NRXN1: variants seen among roughly 807,000 people sequenced by gnomAD.
The protein encoded by NRXN1 is neurexin 1, also known as neurexin-1.
NRXN1 carries 39 observed loss-of-function variants against 150.9 expected under a neutral mutation model. The ratio of observed to expected loss-of-function variants is 0.26; its 90% CI spans 0.20 to 0.34. NRXN1 has a LOEUF of 0.34. Among genes scored for constraint, NRXN1 ranks in the 10% least tolerant of loss-of-function variants. The probability of loss-of-function intolerance (pLI) is 1.00; values close to 1 mark genes in which losing one functional copy is unlikely to be tolerated. For missense variants in NRXN1, 1,815 were observed against 1,949.9 expected (o/e 0.93, Z 1.30); for synonymous variants, 924 against 757.0 (o/e 1.22, Z -3.62).
intron 19 of NRXN1, among the ~76,000 whole-genome samples, chr2:50,089,511 G>A (rs1699258413): frequency 6.6e-6 from 1 of 152,120 alleles, no homozygotes; most frequent in Non-Finnish European, 1.5e-5. Context: ...TTTAGGCTGG[G>A]CATGGTGGCT....
At chr2:50,489,701 A>G (rs560454555) in intron 15 of NRXN1, among the ~76,000 whole-genome samples, 2 of 152,256 alleles carry the variant, frequency 1.3e-5, no homozygotes, top group Admixed American at 1.3e-4. Context: ...AAATATAGAC[A>G]ACCCATGGTT....
At chr2:50,815,925 G>A (rs897424209) in intron 5 of NRXN1, among the ~76,000 whole-genome samples, 2 of 152,120 alleles carry the variant, frequency 1.3e-5, no homozygotes, top group Admixed American at 1.3e-4. Context: ...GAGAACCCAT[G>A]TAAATAAATT....
At chr2:50,525,048 C>G (rs2105159086) in intron 12 of NRXN1, among the ~76,000 whole-genome samples, 1 of 152,262 alleles carries the variant, frequency 6.6e-6, no homozygotes, top group South Asian at 2.1e-4. Flanking sequence ...AACCTACTAA[C>G]AATGCACTTG....
chr2:50,552,795 G>A lies in NRXN1; in HGVS notation c.1551C>T (p.Ile517=). The A allele has an allele frequency of 6.2e-7, 1 of 1,613,970 alleles. No individual in the cohort carries two copies. Among genetic ancestry groups the A allele is most frequent in the Non-Finnish European group, 8.5e-7 (1 of 1,179,862 alleles). Residue 517 remains isoleucine (I), a synonymous_variant, in exon 9 of 23, where the codon ATC becomes ATT. Coordinates refer to ENST00000401669, the MANE Select transcript of NRXN1 (RefSeq NM_001330078.2). The stretch of plus-strand genomic sequence containing the variant: ...GTCTTGGCTTGCCATGGCTAAATAA[G>A]ATGAGGCCATTTGGCTCTGTTGTAC... The part of the protein sequence containing the change: ...DFRTTEPNGL[I]LFSHGKPRHQ...
intron 5 of NRXN1, chr2:50,631,173 A>C (rs1361577776): frequency 2.4e-6 from 1 of 422,230 alleles, no homozygotes; most frequent in African/African-American, 2.2e-5. Flanking sequence ...TAAAATTACC[A>C]ACTATTTTTC....
intron 5 of NRXN1, among the ~76,000 whole-genome samples, chr2:50,671,532 C>T (rs1243744186): frequency 6.6e-6 from 1 of 151,288 alleles, no homozygotes; most frequent in Non-Finnish European, 1.5e-5. Context: ...AATATTCATC[C>T]AGTCAGATAA....
At chr2:50,910,226 AAGTT>A (rs977656451) in intron 5 of NRXN1, among the ~76,000 whole-genome samples, 20 of 152,104 alleles carry the variant, frequency 1.3e-4, no homozygotes, top group African/African-American at 4.6e-4. Flanking sequence ...GTGATTTAAA[AAGTT>A]AGTTGTTTCC....
intron 5 of NRXN1, among the ~76,000 whole-genome samples, chr2:50,651,441 C>T (rs992042854): frequency 6.6e-6 from 1 of 151,640 alleles, no homozygotes; most frequent in African/African-American, 2.4e-5. Flanking sequence ...AGTGAGACCT[C>T]ATCTCTACCA....
chr2:50,541,243 C>A (rs2093382437), intron 9 of NRXN1, among the ~76,000 whole-genome samples: 1 of 152,016 alleles, frequency 6.6e-6, no homozygotes, highest in Admixed American at 6.6e-5. Flanking sequence ...GGGAAAAAAG[C>A]CCTGGGAAAG....
chr2:50,603,852 G>C (rs1416778830), intron 8 of NRXN1, among the ~76,000 whole-genome samples: 1 of 152,124 alleles, frequency 6.6e-6, no homozygotes, highest in African/African-American at 2.4e-5. Context: ...CTTGATCACT[G>C]GGTAGTCTAA....
chr2:50,550,415 C>A (rs1667269672), intron 9 of NRXN1, among the ~76,000 whole-genome samples: 1 of 152,008 alleles, frequency 6.6e-6, no homozygotes, highest in Non-Finnish European at 1.5e-5. Context: ...CTTAAAATAT[C>A]TCTTCTTGAA....
chr2:49,964,653 A>G (rs1676625690), intron 21 of NRXN1, among the ~76,000 whole-genome samples: 1 of 152,022 alleles, frequency 6.6e-6, no homozygotes, highest in South Asian at 2.1e-4. Context: ...CAGCCTGGCC[A>G]ACATGGTGAA....
chr2:50,058,839 C>A (rs989491748), intron 19 of NRXN1, among the ~76,000 whole-genome samples: 10 of 152,190 alleles, frequency 6.6e-5, no homozygotes, highest in Non-Finnish European at 1.5e-4. Context: ...CCAAGTAAGA[C>A]ATGACTTTGC....
At chr2:50,222,676 T>A (rs149926016) in intron 18 of NRXN1, among the ~76,000 whole-genome samples, 26 of 152,050 alleles carry the variant, frequency 1.7e-4, no homozygotes, top group South Asian at 4.1e-4. Context: ...CAGATGCATG[T>A]TATGAGGTAA....
At chr2:50,339,007 A>G (rs1336825572) in intron 17 of NRXN1, among the ~76,000 whole-genome samples, 3 of 152,208 alleles carry the variant, frequency 2.0e-5, no homozygotes, top group South Asian at 4.1e-4. Flanking sequence ...CTAGAAAAAT[A>G]TGCCATGATG....
chr2:50,657,480 G>A (rs1264062098), intron 5 of NRXN1, among the ~76,000 whole-genome samples: 1 of 151,952 alleles, frequency 6.6e-6, no homozygotes, highest in Non-Finnish European at 1.5e-5. Context: ...AGTGACAGAG[G>A]ACAGGGATCT....
At chr2:50,985,118 C>G (rs1383366088) in intron 2 of NRXN1, among the ~76,000 whole-genome samples, 1 of 151,310 alleles carries the variant, frequency 6.6e-6, no homozygotes, top group Admixed American at 6.6e-5. Context: ...ATAAAACATA[C>G]AGGAAAAAAA....
chr2:50,219,965 A>ATATATATAATATATATATTATATAT (rs2063728578), intron 18 of NRXN1, among the ~76,000 whole-genome samples: 19 of 56,748 alleles, frequency 3.3e-4, no homozygotes, highest in African/African-American at 1.9e-3. Context: ...TATATATATT[A>ATATATATAATATATATATTATATAT]TATATATATA....
chr2:50,399,275 C>T (rs571724507), intron 17 of NRXN1, among the ~76,000 whole-genome samples: 1 of 152,216 alleles, frequency 6.6e-6, no homozygotes, highest in African/African-American at 2.4e-5. Flanking sequence ...TTAAACCTAG[C>T]TGTCCCTCAT....
Sources: allele counts gnomAD v4.1 joint callset (sites outside exome capture counted in the v4.1 genomes callset), GRCh38; gene constraint gnomAD v4.1.1; transcripts MANE v1.5; gene names NCBI Gene and HGNC (gene_info 2026-07-23, HGNC 2026-07-21).